The following PLCB1 variants were observed in gnomAD, a reference collection of about 807,000 sequenced individuals.
PLCB1 encodes phospholipase C beta 1, also known as 1-phosphatidylinositol 4,5-bisphosphate phosphodiesterase beta-1.
A neutral mutation model predicts 161.8 loss-of-function variants in PLCB1; 46 were observed. The ratio of observed to expected loss-of-function variants is 0.28; its 90% CI spans 0.22 to 0.36. The LOEUF (loss-of-function observed/expected upper bound fraction) is 0.36, where lower values mean the gene tolerates loss of function less well. PLCB1 is among the 10% of genes least tolerant of loss of function. The pLI is 1.00. For missense variants in PLCB1, 1,016 were observed against 1,472.5 expected (o/e 0.69, Z 5.07); for synonymous variants, 517 against 503.7 (o/e 1.03, Z -0.35).
chr20:8,766,260 T>A (rs1019916422), intron 26 of PLCB1, among the ~76,000 whole-genome samples: 4 of 152,102 alleles, frequency 2.6e-5, no homozygotes, highest in African/African-American at 9.7e-5. Context: ...ACACACAGCA[T>A]CATCTCAGGC....
chr20:8,816,136 A>T (rs1383575799), intron 31 of PLCB1, among the ~76,000 whole-genome samples: 1 of 152,218 alleles, frequency 6.6e-6, no homozygotes, highest in Non-Finnish European at 1.5e-5. Context: ...TTCAGAAAAA[A>T]CCAGGAGATA....
intron 3 of PLCB1, among the ~76,000 whole-genome samples, chr20:8,441,941 T>C (rs1980578972): frequency 6.6e-6 from 1 of 152,136 alleles, no homozygotes; most frequent in Non-Finnish European, 1.5e-5. Context: ...AAACAAGGAA[T>C]CCATTTTCAA....
At chr20:8,199,778 CTAAT>C (rs2052071782) in intron 2 of PLCB1, among the ~76,000 whole-genome samples, 1 of 152,028 alleles carries the variant, frequency 6.6e-6, no homozygotes, top group African/African-American at 2.4e-5. Flanking sequence ...TTTGTACGTA[CTAAT>C]ATTTAATATG....
chr20:8,157,023 A>G (rs1215454371), intron 2 of PLCB1, among the ~76,000 whole-genome samples: 5 of 152,038 alleles, frequency 3.3e-5, no homozygotes, highest in African/African-American at 1.2e-4. Context: ...CTTGTTTTCT[A>G]TTTAGACTCT....
At chr20:8,584,795 A>T (rs1214817571) in intron 3 of PLCB1, among the ~76,000 whole-genome samples, 1 of 151,782 alleles carries the variant, frequency 6.6e-6, no homozygotes, top group Non-Finnish European at 1.5e-5. Flanking sequence ...GGTTTAAGCG[A>T]TTCTCCTGCC....
chr20:8,288,261 T>A (rs1437228237), intron 2 of PLCB1, among the ~76,000 whole-genome samples: 1 of 149,250 alleles, frequency 6.7e-6, no homozygotes, highest in Non-Finnish European at 1.5e-5. Context: ...TACAAAAAAA[T>A]GAGAAGTAGC....
intron 31 of PLCB1, among the ~76,000 whole-genome samples, chr20:8,798,436 C>T (rs1227858844): frequency 6.6e-6 from 1 of 152,154 alleles, no homozygotes; most frequent in East Asian, 1.9e-4. Context: ...GGATGGCTAT[C>T]TGCCCCGTTC....
chr20:8,759,588 C>T (rs1435516475), intron 24 of PLCB1, among the ~76,000 whole-genome samples: 4 of 152,124 alleles, frequency 2.6e-5, no homozygotes, highest in Non-Finnish European at 5.9e-5. Flanking sequence ...GCAACCTCTG[C>T]CTCCTGGGTT....
intron 26 of PLCB1, among the ~76,000 whole-genome samples, chr20:8,771,975 G>T (rs1982708764): frequency 6.6e-6 from 1 of 151,546 alleles, no homozygotes. Flanking sequence ...TCGACCTCCT[G>T]GGCTCAATCA....
At chr20:8,525,928 A>G (rs1555767121) in intron 3 of PLCB1, among the ~76,000 whole-genome samples, 1 of 151,748 alleles carries the variant, frequency 6.6e-6, no homozygotes, top group Non-Finnish European at 1.5e-5. Context: ...AATTTTTAGT[A>G]TTTTTTTTCC....
At chr20:8,302,836 A>C (rs994849912) in intron 2 of PLCB1, among the ~76,000 whole-genome samples, 2 of 152,172 alleles carry the variant, frequency 1.3e-5, no homozygotes, top group African/African-American at 2.4e-5. Context: ...TTTTCAAGGA[A>C]TGATCTTCTT....
chr20:8,660,593 G>T (rs6140674), intron 9 of PLCB1, among the ~76,000 whole-genome samples: 1 of 151,958 alleles, frequency 6.6e-6, no homozygotes, highest in East Asian at 1.9e-4. Flanking sequence ...ACGATGTAGA[G>T]GGTACAAAGA....
At chr20:8,662,534 G>A (rs1312692745) in intron 9 of PLCB1, among the ~76,000 whole-genome samples, 1 of 139,770 alleles carries the variant, frequency 7.2e-6, no homozygotes, top group Non-Finnish European at 1.5e-5. Context: ...ATAATTATGT[G>A]TAATATATAA....
chr20:8,857,568 G>A (rs1987110725), intron 31 of PLCB1, among the ~76,000 whole-genome samples: 1 of 152,110 alleles, frequency 6.6e-6, no homozygotes, highest in African/African-American at 2.4e-5. Flanking sequence ...TTTCTTGGTT[G>A]TATACCAAAC....
intron 3 of PLCB1, among the ~76,000 whole-genome samples, chr20:8,563,328 T>G (rs1306860282): frequency 6.6e-6 from 1 of 151,940 alleles, no homozygotes; most frequent in African/African-American, 2.4e-5. Context: ...GAAAAAAAAT[T>G]TAGTTCCCAT....
At chr20:8,646,004 C>T in intron 4 of PLCB1, 98 bp from the exon 5 acceptor site, 1 of 788,226 alleles carries the variant, frequency 1.3e-6, no homozygotes, top group Non-Finnish European at 2.2e-6. Context: ...TTGGCATGCA[C>T]ATTGAACTAA....
At chr20:8,862,951 C>T (rs1987304597) in intron 31 of PLCB1, among the ~76,000 whole-genome samples, 2 of 152,140 alleles carry the variant, frequency 1.3e-5, no homozygotes, top group Non-Finnish European at 2.9e-5. Context: ...TGGCTTTTCT[C>T]AGACAAGTTA....
chr20:8,569,467 T>C (rs1986438679), intron 3 of PLCB1, among the ~76,000 whole-genome samples: 1 of 152,186 alleles, frequency 6.6e-6, no homozygotes, highest in Non-Finnish European at 1.5e-5. Context: ...GTACTAAGAA[T>C]ATTATTTTTA....
chr20:8,736,127 C>G (rs946121230), intron 19 of PLCB1, among the ~76,000 whole-genome samples: 1 of 152,156 alleles, frequency 6.6e-6, no homozygotes, highest in African/African-American at 2.4e-5. Context: ...AACCACATAA[C>G]CCAGATTCAC....
Sources: gnomAD v4.1 joint callset for allele counts (sites outside exome capture counted in the v4.1 genomes callset) on GRCh38, gnomAD v4.1.1 for gene constraint, MANE v1.5 for transcripts, NCBI Gene and HGNC (gene_info 2026-07-23, HGNC 2026-07-21) for gene names.